Variants in SHISA9 observed in about 807,000 individuals in gnomAD.
SHISA9 encodes protein shisa-9.
In SHISA9, 13 loss-of-function variants were observed where a neutral mutation model predicts 38.0. The ratio of observed to expected loss-of-function variants is 0.34; its 90% CI spans 0.22 to 0.54. The LOEUF is 0.54. Among genes scored for constraint, SHISA9 ranks in the 20% least tolerant of loss-of-function variants. The pLI, the probability that SHISA9 is intolerant of heterozygous loss-of-function variation, is 0.91. For synonymous variants in SHISA9, 275 were observed against 242.0 expected (o/e 1.14, Z -1.27); for missense variants, 538 against 575.8 (o/e 0.93, Z 0.67).
At chr16:13,485,336 C>G in the SHISA9 span, among the ~76,000 whole-genome samples, 1 of 152,170 alleles carries the variant, frequency 6.6e-6, no homozygotes. Flanking sequence ...AGGATGGCTT[C>G]TAGCTTCATC....
the SHISA9 span, among the ~76,000 whole-genome samples, chr16:13,314,284 G>C: frequency 6.6e-6 from 1 of 151,734 alleles, no homozygotes; most frequent in African/African-American, 2.4e-5. Flanking sequence ...CACGATCTCA[G>C]CTGACTGAAA....
the SHISA9 span, among the ~76,000 whole-genome samples, chr16:13,520,021 C>G: frequency 6.6e-6 from 1 of 152,076 alleles, no homozygotes; most frequent in East Asian, 1.9e-4. Flanking sequence ...TGGCACCTAT[C>G]CAGATGGAAG....
At chr16:13,387,136 C>A in the SHISA9 span, among the ~76,000 whole-genome samples, 3 of 152,172 alleles carry the variant, frequency 2.0e-5, no homozygotes, top group Non-Finnish European at 4.4e-5. Context: ...TGTACATTTA[C>A]ATAGAATTTG....
the SHISA9 span, among the ~76,000 whole-genome samples, chr16:13,491,819 T>A: frequency 7.4e-5 from 2 of 27,186 alleles, no homozygotes; most frequent in African/African-American, 1.4e-4. Context: ...TTTATTGACC[T>A]TTTTTTTTTT....
intron 2 of SHISA9, among the ~76,000 whole-genome samples, chr16:13,128,935 A>G (rs1190096865): frequency 1.3e-5 from 2 of 152,222 alleles, no homozygotes; most frequent in African/African-American, 4.8e-5. Context: ...TGTGGGGATA[A>G]TAGAATTAAT....
At chr16:13,269,985 A>G in the SHISA9 span, among the ~76,000 whole-genome samples, 1 of 152,160 alleles carries the variant, frequency 6.6e-6, no homozygotes, top group Non-Finnish European at 1.5e-5. Flanking sequence ...CAAGGGCATT[A>G]GAATGAGACC....
chr16:13,336,815 C>T, the SHISA9 span, among the ~76,000 whole-genome samples: 1 of 152,152 alleles, frequency 6.6e-6, no homozygotes, highest in African/African-American at 2.4e-5. Context: ...TAGCTTTCCT[C>T]ACCTATAACA....
At chr16:13,055,994 G>A (rs979973378) in intron 2 of SHISA9, among the ~76,000 whole-genome samples, 4 of 152,208 alleles carry the variant, frequency 2.6e-5, no homozygotes, top group African/African-American at 9.6e-5. Context: ...TGAAGCTTGG[G>A]ACGCAAGTAT....
chr16:13,038,844 C>T (rs1297711807), intron 2 of SHISA9, among the ~76,000 whole-genome samples: 2 of 152,158 alleles, frequency 1.3e-5, no homozygotes, highest in African/African-American at 4.8e-5. Context: ...ATAGTAGAGC[C>T]TCTATAAATA....
chr16:13,373,789 G>A, the SHISA9 span, among the ~76,000 whole-genome samples: 1 of 150,378 alleles, frequency 6.6e-6, no homozygotes. Context: ...AGATGGGAGT[G>A]ACGATAGTGC....
Position 12,910,790 on chromosome 16 carries a change from T to C in SHISA9, c.564-5898T>C, listed in dbSNP as rs1212376816. The C allele has an allele frequency of 6.4e-6, 6 of 941,090 alleles. No individual in the cohort carries two copies. In the African/African-American group the frequency reaches 1.1e-4, roughly 17 times the overall value. 58.3% of individuals were successfully genotyped at this position (941,090 alleles called of 1,614,324 possible). On this transcript the variant is annotated intron_variant, in intron 1 of 4. Coordinates refer to ENST00000558583, the MANE Select transcript of SHISA9 (RefSeq NM_001145204.3). ...ATACAAAGAGATTCATTATAAGGAA[T>C]TGGAAGTCCAAAATCTCCAGAGCCT...
At chr16:13,488,464 T>C in the SHISA9 span, among the ~76,000 whole-genome samples, 5 of 152,222 alleles carry the variant, frequency 3.3e-5, no homozygotes, top group African/African-American at 1.2e-4. Context: ...CTCTTACATA[T>C]ACATTACTGT....
chr16:13,331,583 A>C, the SHISA9 span: 1 of 152,176 alleles, frequency 6.6e-6, no homozygotes, highest in African/African-American at 2.4e-5. Context: ...AGAAGAATGC[A>C]TATATTTCAG....
At chr16:13,314,367 C>A in the SHISA9 span, among the ~76,000 whole-genome samples, 1 of 152,034 alleles carries the variant, frequency 6.6e-6, no homozygotes, top group Admixed American at 6.5e-5. Context: ...GCATCTGCCA[C>A]CATGCCCAGC....
chr16:13,063,362 G>A (rs531918033), intron 2 of SHISA9, among the ~76,000 whole-genome samples: 20 of 151,870 alleles, frequency 1.3e-4, no homozygotes, highest in Non-Finnish European at 2.6e-4. Flanking sequence ...AAAGTTGGTC[G>A]GGACCTTAAA....
In SHISA9 at chr16:12,970,358, TATATATATATAC is replaced by T. The variant is rs1458463889; in HGVS notation, c.691+53562_691+53573del. ...ATATATATATACATATATGTGTATA[TATATATATATAC>T]ATATATATATACATATATGTATATA... On this transcript the variant is annotated intron_variant, in intron 2 of 4. Coordinates refer to ENST00000558583, the MANE Select transcript of SHISA9 (RefSeq NM_001145204.3). Among the ~76,000 whole-genome samples the T allele has an allele frequency of 2.7e-3, 182 of 68,058 alleles. 5 individuals are homozygous for T. The highest frequency in any genetic ancestry group is 5.1e-3 in the South Asian group (13 of 2,562). The allele number at this position is 68,058 out of a possible 152,430, so 44.6% of individuals were successfully genotyped here.
chr16:13,314,597 C>A, the SHISA9 span, among the ~76,000 whole-genome samples: 161 of 150,606 alleles, frequency 1.1e-3, 2 homozygotes, highest in African/African-American at 3.7e-3. Context: ...CAAAAAAAAA[C>A]GTGCATACAT....
intron 1 of SHISA9, among the ~76,000 whole-genome samples, chr16:12,906,478 G>A (rs1323438269): frequency 6.6e-6 from 1 of 152,080 alleles, no homozygotes; most frequent in Non-Finnish European, 1.5e-5. Context: ...AGGCTCGCAT[G>A]GGATCTCGTA....
chr16:13,363,953 C>G, the SHISA9 span, among the ~76,000 whole-genome samples: 9 of 152,326 alleles, frequency 5.9e-5, no homozygotes, highest in Non-Finnish European at 1.2e-4. Context: ...ATCAGAAACT[C>G]TGGGGACAGA....
Sources: allele counts gnomAD v4.1 joint callset (sites outside exome capture counted in the v4.1 genomes callset), GRCh38; gene constraint gnomAD v4.1.1; transcripts MANE v1.5; gene names NCBI Gene and HGNC (gene_info 2026-07-23, HGNC 2026-07-21).